USP6: variants seen among roughly 807,000 people sequenced by gnomAD.
USP6 encodes the protein ubiquitin carboxyl-terminal hydrolase 6.
A neutral mutation model predicts 175.7 loss-of-function variants in USP6; 128 were observed. That is an observed-to-expected ratio of 0.73 (90% confidence interval 0.63 to 0.84). USP6 has a LOEUF of 0.84. Among genes scored for constraint, USP6 ranks in the 40% least tolerant of loss-of-function variants. The pLI is 0.00. For missense variants in USP6, 1,498 were observed against 1,760.3 expected, an observed-to-expected ratio of 0.85 and a Z score of 2.67; for synonymous variants, 562 against 630.6, an observed-to-expected ratio of 0.89 and a Z score of 1.63.
chr17:5,140,762 C>T (rs934759444), intron 22 of USP6, among the ~76,000 whole-genome samples: 6 of 152,150 alleles, frequency 3.9e-5, no homozygotes, highest in Non-Finnish European at 8.8e-5. Flanking sequence ...GCAGATGGTC[C>T]AGTAAACACA....
At chr17:5,138,876 C>T (rs2073347674) in intron 21 of USP6, 1 of 771,242 alleles carries the variant, frequency 1.3e-6, no homozygotes, top group East Asian at 4.2e-5. Context: ...GCCCAGTCAC[C>T]CACTGCGGAG....
chr17:5,132,046 C>T lies in USP6; in HGVS notation c.156-350C>T, dbSNP rs559159432. 1.3e-5 allele frequency among the ~76,000 whole-genome samples: 2 copies of T among 152,110 alleles called. No individual in the cohort carries two copies. The highest frequency in any genetic ancestry group is 2.4e-5 in the African/African-American group (1 of 41,406). On this transcript the variant is annotated intron_variant, in intron 11 of 37. Coordinates refer to ENST00000574788, the MANE Select transcript of USP6 (RefSeq NM_001304284.2). The surrounding 1 kb of genome is among the most constrained non-coding windows in gnomAD (Gnocchi z 4.7). Reference sequence around the variant, plus strand: ...GGGACTCCTGTCAGGGCCCGGTCGCCCATGCTGGGTGGCCCCCATCCCATC... The same window carrying T: ...GGGACTCCTGTCAGGGCCCGGTCGCTCATGCTGGGTGGCCCCCATCCCATC...
Position 5,173,728 on chromosome 17 carries a change from T to C in USP6, c.*750T>C, listed in dbSNP as rs1351667554. ...GCCCTCCCAGTGGAGGCATCTTACA[T>C]TTAGGCTACTTCAAGTATCCTCAGA... On this transcript the variant is annotated 3_prime_UTR_variant, in exon 38 of 38. Coordinates refer to ENST00000574788, the MANE Select transcript of USP6 (RefSeq NM_001304284.2). 9.2e-6 allele frequency: 2 copies of C among 217,288 alleles called. No individual in the cohort carries two copies. Among genetic ancestry groups the C allele is most frequent in the African/African-American group, 4.5e-5 (2 of 44,372 alleles). The allele number at this position is 217,288 out of a possible 1,614,324, so 13.5% of individuals were successfully genotyped here. A position where few individuals can be genotyped will look rare whatever the true frequency, so the allele number is the denominator to read the frequency against.
intron 6 of USP6, chr17:5,126,874 C>G (rs2072911089): frequency 6.6e-6 from 1 of 152,348 alleles, no homozygotes; most frequent in Non-Finnish European, 1.5e-5. Flanking sequence ...TGTGCCCATG[C>G]TCTCCTGGGT....
At chr17:5,154,831 T>C (rs1450239659) in intron 30 of USP6, among the ~76,000 whole-genome samples, 1 of 152,050 alleles carries the variant, frequency 6.6e-6, no homozygotes, top group Non-Finnish European at 1.5e-5. Context: ...CTTGCCAGAC[T>C]CAAGCAATCC....
rs752085255 is a variant in USP6, at chr17:5,170,622, A to G, written c.3661A>G (p.Ser1221Gly). The change falls in exon 36 of 38, where the codon AGT becomes GGT. Residue 1221 changes from serine (S) to glycine (G), a missense_variant. Ser to Gly is a moderately conservative substitution (Grantham distance 56). Coordinates refer to ENST00000574788, the MANE Select transcript of USP6 (RefSeq NM_001304284.2). Reference sequence around the variant, plus strand: ...TGGCAGCAAAAATAAGCCGTCAAGTAGTAAGAAGAACTTGGATGCCAGCAA... The same window carrying G: ...TGGCAGCAAAAATAAGCCGTCAAGTGGTAAGAAGAACTTGGATGCCAGCAA... ...QIGSKNKPSSSKKNLDASKEN... is the reference protein window; with the variant it reads ...QIGSKNKPSSGKKNLDASKEN... 1 of 1,613,550 alleles carries G rather than the reference A, an allele frequency of 6.2e-7. No homozygotes were observed. Among genetic ancestry groups the G allele is most frequent in the Non-Finnish European group, 8.5e-7 (1 of 1,179,880 alleles).
intron 15 of USP6, chr17:5,134,314 A>T (rs1472290761): frequency 1.2e-5 from 4 of 346,858 alleles, no homozygotes; most frequent in Non-Finnish European, 1.1e-5. Flanking sequence ...GGGTGGCAGG[A>T]TGGAGGGCCC....
intron 22 of USP6, among the ~76,000 whole-genome samples, chr17:5,139,994 C>T (rs1164223477): frequency 6.6e-6 from 1 of 152,072 alleles, no homozygotes; most frequent in African/African-American, 2.4e-5. Flanking sequence ...GCTTGAAAGA[C>T]ATGCACAGAT....
intron 21 of USP6, 34 bp downstream of exon 21, chr17:5,138,307 G>T (rs770505791): frequency 1.9e-6 from 3 of 1,611,512 alleles, no homozygotes; most frequent in African/African-American, 2.7e-5. Flanking sequence ...TCCCATGTCA[G>T]CCTCTGGGGC....
intron 1 of USP6, among the ~76,000 whole-genome samples, 160 bp from the exon 2 acceptor site, chr17:5,118,040 G>A (rs913631014): frequency 1.3e-5 from 2 of 149,534 alleles, no homozygotes; most frequent in Non-Finnish European, 2.9e-5. Context: ...CTGCACTCTA[G>A]CCTGGGCAAC....
rs1198332409 is a variant in USP6, at chr17:5,116,046, G to C, written c.-2622G>C. Reference sequence around the variant, plus strand: ...CCAGGCAGAGGGGACAGCTAGCGGCGCGGCGGGACGGGCGGGCCCCGACGC... The same window carrying C: ...CCAGGCAGAGGGGACAGCTAGCGGCCCGGCGGGACGGGCGGGCCCCGACGC... On this transcript the variant is annotated 5_prime_UTR_variant, in exon 1 of 38. Transcript: ENST00000574788. Among the ~76,000 whole-genome samples the C allele has an allele frequency of 2.0e-5, 3 of 152,242 alleles. No individual in the cohort carries two copies. Among genetic ancestry groups the C allele is most frequent in the Non-Finnish European group, 4.4e-5 (3 of 68,032 alleles).
rs754084140 is a variant in USP6 at position 5,144,837 on chromosome 17, C to T, written c.1966C>T (p.Arg656Ter). 54 of 1,604,866 alleles carry T rather than the reference C, an allele frequency of 3.4e-5. No individual in the cohort carries two copies. Among genetic ancestry groups the T allele is most frequent in the South Asian group, 4.4e-5 (4 of 90,280 alleles). ...PYVELKDSDGRPDWEVAAEAW... is the reference protein window; with the variant it reads ...PYVELKDSDG Reference sequence around the variant, plus strand: ...TGTGGAACTGAAGGACAGTGATGGCCGACCAGACTGGGAAGTAGCTGCAGA... The same window carrying T: ...TGTGGAACTGAAGGACAGTGATGGCTGACCAGACTGGGAAGTAGCTGCAGA... Residue 656 changes from arginine to a stop codon, truncating the protein, a stop_gained, in exon 26 of 38, where the codon CGA becomes TGA. Transcript: ENST00000574788. LOFTEE classifies it high-confidence loss of function.
Position 5,173,011 on chromosome 17 carries a change from G to T in USP6, c.*33G>T. 6.2e-7 allele frequency: 1 copy of T among 1,605,746 alleles called. No individual in the cohort carries two copies. The highest frequency in any genetic ancestry group is 2.2e-5 in the East Asian group (1 of 44,678). ...ACTCTGGCTGCTAGACAGCTTGGTG[G>T]CGAGGGAGATGACTCCTTGTAGCTG... On this transcript the variant is annotated 3_prime_UTR_variant, in exon 38 of 38. Transcript: ENST00000574788.
At chr17:5,123,379 C>A (rs2072769041) in intron 4 of USP6, among the ~76,000 whole-genome samples, 2 of 151,792 alleles carry the variant, frequency 1.3e-5, no homozygotes, top group African/African-American at 4.8e-5. Context: ...GGCGGCTCAG[C>A]AGGCCCGGCG....
At chr17:5,122,314 G>A (rs1235303940) in intron 4 of USP6, among the ~76,000 whole-genome samples, 2 of 152,092 alleles carry the variant, frequency 1.3e-5, no homozygotes, top group Admixed American at 1.3e-4. Flanking sequence ...TTCTGGTTCC[G>A]ATGACTGTGT....
intron 16 of USP6, 42 bp from the exon 17 acceptor site, chr17:5,135,766 C>T (rs1251035311): frequency 6.3e-7 from 1 of 1,597,308 alleles, no homozygotes; most frequent in Non-Finnish European, 8.5e-7. Context: ...GACCTCAGCC[C>T]TCCCAGGTGA....
chr17:5,134,248 C>G, intron 15 of USP6: 1 of 503,630 alleles, frequency 2.0e-6, no homozygotes, highest in East Asian at 3.5e-5. Flanking sequence ...AAATCACACG[C>G]AATGGTGAAA....
At position 5,132,391 on chromosome 17, in the gene USP6, T is replaced by C. The variant is rs757183461; in HGVS notation, c.156-5T>C. On this transcript the variant is annotated splice_region_variant and splice_polypyrimidine_tract_variant and intron_variant, in intron 11 of 37. Coordinates refer to ENST00000574788, the MANE Select transcript of USP6 (RefSeq NM_001304284.2). This position sits in a 1 kb window ranked among gnomAD's most constrained non-coding sequence, Gnocchi z 4.7. ...GTCCTCAGCTCTGCCTGGGTTGCCT[T>C]ACAGTGAGACGGAGCTGCCTCCTGT... 1.2e-6 allele frequency: 2 copies of C among 1,612,032 alleles called. No individual in the cohort carries two copies. Among genetic ancestry groups the C allele is most frequent in the East Asian group, 4.5e-5 (2 of 44,874 alleles).
At chr17:5,123,606 C>T (rs909315428) in intron 4 of USP6, among the ~76,000 whole-genome samples, 2 of 152,162 alleles carry the variant, frequency 1.3e-5, no homozygotes, top group African/African-American at 2.4e-5. Context: ...ACCCCGTGTG[C>T]GCACTCCCTG....
Sources: gnomAD v4.1 joint callset for allele counts (sites outside exome capture counted in the v4.1 genomes callset) on GRCh38, gnomAD v4.1.1 for gene constraint, Gnocchi (gnomAD v3.1) non-coding constraint, MANE v1.5 for transcripts, NCBI Gene and HGNC (gene_info 2026-07-23, HGNC 2026-07-21) for gene names.